Variants in FHIT observed in about 807,000 individuals in gnomAD.
The protein encoded by FHIT is bis(5'-adenosyl)-triphosphatase.
FHIT carries 19 observed loss-of-function variants against 17.9 expected under a neutral mutation model. The observed-to-expected ratio is 1.06, with a 90% CI of 0.74 to 1.56. The LOEUF (loss-of-function observed/expected upper bound fraction) is 1.56, where lower values mean the gene tolerates loss of function less well. FHIT is among the 40% of genes most tolerant of loss of function. FHIT has a pLI of 0.00. For synonymous variants in FHIT, 81 were observed against 69.7 expected, an observed-to-expected ratio of 1.16 and a Z score of -0.81; for missense variants, 248 against 189.2, an observed-to-expected ratio of 1.31 and a Z score of -1.82.
chr3:60,124,146 G>A (rs1428631996), intron 5 of FHIT, among the ~76,000 whole-genome samples: 4 of 149,576 alleles, frequency 2.7e-5, no homozygotes, highest in African/African-American at 9.9e-5. Context: ...TTGAACTCCT[G>A]GGTTCAAGTG....
At chr3:60,114,488 C>CTTTTTTTTTTTT (rs145618938) in intron 5 of FHIT, among the ~76,000 whole-genome samples, 1,403 of 59,458 alleles carry the variant, frequency 0.024, 358 homozygotes, top group Non-Finnish European at 0.032. Flanking sequence ...CAAGAGAAAT[C>CTTTTTTTTTTTT]CTTTTTTTTT....
chr3:59,924,726 T>C lies in FHIT; in HGVS notation c.280-2312A>G, dbSNP rs1053947730. On this transcript the variant is annotated intron_variant, in intron 7 of 9. Coordinates refer to ENST00000492590, the MANE Select transcript of FHIT (RefSeq NM_002012.4). ...TTAAGAAGCTCCTTGAATGAGGGCATTGTTCAAGCATCTCTTTTGTGAAAG... is the reference window on the plus strand; with the variant it reads ...TTAAGAAGCTCCTTGAATGAGGGCACTGTTCAAGCATCTCTTTTGTGAAAG... Among the ~76,000 whole-genome samples the C allele has an allele frequency of 5.9e-5, 9 of 152,364 alleles. No individual in the cohort carries two copies. In the South Asian group the frequency reaches 8.3e-4, roughly 14 times the overall value.
intron 5 of FHIT, among the ~76,000 whole-genome samples, chr3:60,443,713 G>A (rs1180988558): frequency 1.3e-5 from 2 of 152,026 alleles, no homozygotes; most frequent in African/African-American, 4.8e-5. Flanking sequence ...ATGTTCATCA[G>A]GGATACTGGT....
intron 9 of FHIT, chr3:59,751,249 C>CTCTCTCTCA: frequency 7.6e-6 from 1 of 132,002 alleles, no homozygotes. Flanking sequence ...TCTCTCTCTC[C>CTCTCTCTCA]TGTTTTTTTG....
intron 2 of FHIT, among the ~76,000 whole-genome samples, chr3:61,159,683 C>G (rs951728687): frequency 1.3e-5 from 2 of 152,172 alleles, no homozygotes; most frequent in Non-Finnish European, 2.9e-5. Context: ...TTTCTTCTGT[C>G]TATAATATGA....
chr3:60,391,821 A>G (rs984288567), intron 5 of FHIT, among the ~76,000 whole-genome samples: 3 of 152,170 alleles, frequency 2.0e-5, no homozygotes, highest in Non-Finnish European at 4.4e-5. Flanking sequence ...ATTCATAAAA[A>G]TCTGGATATT....
intron 3 of FHIT, among the ~76,000 whole-genome samples, chr3:60,838,275 C>T (rs782165925): frequency 8.5e-5 from 13 of 152,066 alleles, no homozygotes; most frequent in Admixed American, 6.6e-4. Context: ...GAGTTCGCGA[C>T]GAACCTGGGC....
intron 4 of FHIT, among the ~76,000 whole-genome samples, chr3:60,685,224 A>T (rs192864391): frequency 1.3e-5 from 2 of 152,234 alleles, no homozygotes; most frequent in East Asian, 3.9e-4. Context: ...TCATTTCCTT[A>T]AGAGGGCTCT....
intron 4 of FHIT, among the ~76,000 whole-genome samples, chr3:60,692,687 C>G (rs543933256): frequency 1.3e-5 from 2 of 152,268 alleles, no homozygotes; most frequent in Admixed American, 1.3e-4. Context: ...AACTTCTGAC[C>G]TCCCAAACTG....
chr3:61,081,009 T>C (rs2035120472), intron 2 of FHIT, among the ~76,000 whole-genome samples: 1 of 152,264 alleles, frequency 6.6e-6, no homozygotes, highest in Middle Eastern at 3.4e-3. Flanking sequence ...GCTTCTTCAT[T>C]TCAAGGCGGC....
chr3:61,004,197 G>A (rs2031289557), intron 3 of FHIT, among the ~76,000 whole-genome samples: 1 of 152,164 alleles, frequency 6.6e-6, no homozygotes, highest in African/African-American at 2.4e-5. Flanking sequence ...CTGAATATCT[G>A]TTGAGACTGA....
At chr3:59,935,455 A>G (rs550227757) in intron 7 of FHIT, among the ~76,000 whole-genome samples, 1 of 152,180 alleles carries the variant, frequency 6.6e-6, no homozygotes, top group African/African-American at 2.4e-5. Context: ...TTTCTGATTC[A>G]TTATACATAT....
intron 3 of FHIT, among the ~76,000 whole-genome samples, chr3:60,849,251 A>T (rs1703045345): frequency 6.6e-6 from 1 of 151,802 alleles, no homozygotes; most frequent in African/African-American, 2.4e-5. Flanking sequence ...ATGAAAGCAA[A>T]GAAATTTGAC....
intron 8 of FHIT, among the ~76,000 whole-genome samples, chr3:59,906,205 A>G (rs1415286598): frequency 1.3e-5 from 2 of 152,214 alleles, no homozygotes; most frequent in African/African-American, 4.8e-5. Context: ...TTGAATGGAC[A>G]CCATAGCCCC....
chr3:60,203,002 T>TA (rs35500094), intron 5 of FHIT, among the ~76,000 whole-genome samples: 50,946 of 149,676 alleles, frequency 0.34, 9,553 homozygotes, highest in African/African-American at 0.52. Context: ...ACATTACAGT[T>TA]AAAAAAAAAA....
intron 3 of FHIT, among the ~76,000 whole-genome samples, chr3:60,954,577 A>T (rs1709031326): frequency 6.6e-6 from 1 of 152,212 alleles, no homozygotes; most frequent in Non-Finnish European, 1.5e-5. Flanking sequence ...TGATAGTAAA[A>T]TATGCTGTAC....
chr3:60,471,005 C>T lies in FHIT; in HGVS notation c.103+65855G>A, dbSNP rs146461410. Among the ~76,000 whole-genome samples, 40 of 152,316 alleles carry T rather than the reference C, an allele frequency of 2.6e-4. 2 individuals carry two copies. In the East Asian group the frequency reaches 6.4e-3, roughly 24 times the overall value. On this transcript the variant is annotated intron_variant, in intron 5 of 9. Transcript: ENST00000492590. ...TTCCAGCTCAGGGTATGTTTAGAAA[C>T]GCTGTCTGGAAGCCAAGGCCTAGAA...
chr3:60,465,479 G>C (rs425711), intron 5 of FHIT, among the ~76,000 whole-genome samples: 1 of 152,028 alleles, frequency 6.6e-6, no homozygotes, highest in African/African-American at 2.4e-5. Context: ...CAATGTCCTG[G>C]AGAGTTCCCC....
At chr3:60,283,581 T>A (rs1315144424) in intron 5 of FHIT, among the ~76,000 whole-genome samples, 1 of 152,086 alleles carries the variant, frequency 6.6e-6, no homozygotes, top group East Asian at 1.9e-4. Flanking sequence ...AGGGATACGG[T>A]CTGTAAGAAG....
Sources: gnomAD v4.1 joint callset for allele counts (sites outside exome capture counted in the v4.1 genomes callset) on GRCh38, gnomAD v4.1.1 for gene constraint, MANE v1.5 for transcripts, NCBI Gene and HGNC (gene_info 2026-07-23, HGNC 2026-07-21) for gene names.